GALNT7: variants seen among roughly 807,000 people sequenced by gnomAD.
GALNT7 encodes polypeptide N-acetylgalactosaminyltransferase 7, also known as N-acetylgalactosaminyltransferase 7.
A neutral mutation model predicts 82.1 loss-of-function variants in GALNT7; 60 were observed. The ratio of observed to expected loss-of-function variants is 0.73; its 90% CI spans 0.59 to 0.91. The LOEUF (loss-of-function observed/expected upper bound fraction) is 0.91, where lower values mean the gene tolerates loss of function less well. Among genes scored for constraint, GALNT7 ranks in the 40% least tolerant of loss-of-function variants. The pLI is 0.00. For synonymous variants in GALNT7, 243 were observed against 275.1 expected, an observed-to-expected ratio of 0.88 and a Z score of 1.15; for missense variants, 660 against 804.2, an observed-to-expected ratio of 0.82 and a Z score of 2.17.
intron 1 of GALNT7, among the ~76,000 whole-genome samples, chr4:173,205,172 G>A (rs565404396): frequency 5.9e-5 from 9 of 152,146 alleles, no homozygotes; most frequent in African/African-American, 9.6e-5. Flanking sequence ...TCTGGAGCCC[G>A]TATCCTCAGA....
intron 2 of GALNT7, among the ~76,000 whole-genome samples, chr4:173,256,258 A>G (rs1440096235): frequency 6.6e-6 from 1 of 152,122 alleles, no homozygotes; most frequent in Non-Finnish European, 1.5e-5. Flanking sequence ...TGAGAAGGAA[A>G]CTGATTGATG....
intron 1 of GALNT7, among the ~76,000 whole-genome samples, chr4:173,211,546 T>A (rs747872803): frequency 8.5e-5 from 13 of 152,238 alleles, no homozygotes; most frequent in Non-Finnish European, 1.8e-4. Flanking sequence ...TAGACTAATA[T>A]TATACACAGA....
chr4:173,307,789 A>G (rs1363123836), intron 8 of GALNT7, among the ~76,000 whole-genome samples: 1 of 152,244 alleles, frequency 6.6e-6, no homozygotes, highest in Non-Finnish European at 1.5e-5. Context: ...GGACACTAGC[A>G]GAACAACTGT....
intron 1 of GALNT7, among the ~76,000 whole-genome samples, chr4:173,193,192 G>A (rs1685639463): frequency 6.6e-6 from 1 of 152,194 alleles, no homozygotes; most frequent in Admixed American, 6.5e-5. Context: ...ACCATGAGAC[G>A]TGCCTGTTCT....
At chr4:173,297,838 G>C (rs1324771119) in intron 5 of GALNT7, 2 of 1,479,584 alleles carry the variant, frequency 1.4e-6, no homozygotes, top group South Asian at 1.4e-5. Flanking sequence ...AGATGGGAAT[G>C]ATTATTCCAT....
At position 173,168,971 on chromosome 4, in the gene GALNT7, C is replaced by T; in HGVS notation, c.126+10C>T. Reference sequence around the variant, plus strand: ...GCTGAGCAGGATGAGGGTGAGTGACCCGCCCGGCCCCCTCCGGCGGCAGCG... The same window carrying T: ...GCTGAGCAGGATGAGGGTGAGTGACTCGCCCGGCCCCCTCCGGCGGCAGCG... On this transcript the variant is annotated intron_variant, in intron 1 of 11. Coordinates refer to ENST00000265000, the MANE Select transcript of GALNT7 (RefSeq NM_017423.3). 1 of 1,611,050 alleles carries T rather than the reference C, an allele frequency of 6.2e-7. No homozygotes were observed.
intron 1 of GALNT7, among the ~76,000 whole-genome samples, chr4:173,229,622 C>T (rs1733957933): frequency 1.3e-5 from 2 of 152,126 alleles, no homozygotes; most frequent in Admixed American, 1.3e-4. Context: ...TACTTAAACT[C>T]TGTGCCTCTG....
intron 2 of GALNT7, among the ~76,000 whole-genome samples, chr4:173,285,426 C>T (rs1324761688): frequency 1.3e-5 from 2 of 152,216 alleles, no homozygotes; most frequent in Non-Finnish European, 2.9e-5. Context: ...GGCAAGTTGA[C>T]AGTTTTTAAA....
At chr4:173,284,387 T>G (rs7658147) in intron 2 of GALNT7, among the ~76,000 whole-genome samples, 3,840 of 152,312 alleles carry the variant, frequency 0.025, 155 homozygotes, top group African/African-American at 0.082. Flanking sequence ...TTGTGATTGA[T>G]AGCAAATATT....
chr4:173,184,327 G>C (rs1732394232), intron 1 of GALNT7, among the ~76,000 whole-genome samples: 2 of 152,034 alleles, frequency 1.3e-5, no homozygotes, highest in South Asian at 4.1e-4. Context: ...CTGAGTGAGC[G>C]AGACTCCGTC....
rs144420249 is a variant in GALNT7 at position 173,227,848 on chromosome 4, G to GT, written c.127-20126dup. Among the ~76,000 whole-genome samples the GT allele has an allele frequency of 4.6e-3, 706 of 152,140 alleles. 46 individuals carry two copies. The East Asian group carries it at 0.11, about 24-fold the overall frequency. ...CGCTTAAGCTAGGGTTTTTGTTTCT[G>GT]TTTTTTAAATGCTACCCCAAGTTTG... On this transcript the variant is annotated intron_variant, in intron 1 of 11. Coordinates refer to ENST00000265000, the MANE Select transcript of GALNT7 (RefSeq NM_017423.3).
chr4:173,319,807 G>A (rs1165875014), intron 11 of GALNT7, among the ~76,000 whole-genome samples: 1 of 152,070 alleles, frequency 6.6e-6, no homozygotes, highest in African/African-American at 2.4e-5. Flanking sequence ...AGAGAAGAAA[G>A]AAATGCAAAA....
intron 7 of GALNT7, 150 bp from the exon 8 acceptor site, chr4:173,303,846 G>T (rs1250814277): frequency 3.0e-6 from 2 of 676,556 alleles, no homozygotes; most frequent in Non-Finnish European, 4.9e-6. Flanking sequence ...GCTTTTAAAA[G>T]CAAATTATTT....
At chr4:173,171,777 T>A (rs1399150113) in intron 1 of GALNT7, among the ~76,000 whole-genome samples, 1 of 152,222 alleles carries the variant, frequency 6.6e-6, no homozygotes, top group Admixed American at 6.5e-5. Flanking sequence ...CCAGGCATGG[T>A]ACTAGTTGTT....
intron 1 of GALNT7, among the ~76,000 whole-genome samples, chr4:173,222,725 T>A (rs1733683410): frequency 6.6e-6 from 1 of 152,228 alleles, no homozygotes. Flanking sequence ...AGTTAATTGC[T>A]ATTTACCTGC....
rs1731735416 is a variant in GALNT7 at position 173,168,958 on chromosome 4, G to A, written c.123G>A (p.Met41Ile). The change falls in exon 1 of 12, where the codon ATG (methionine) becomes ATA (isoleucine). Residue 41 changes from methionine (M) to isoleucine (I), a missense_variant. Transcript: ENST00000265000. ...ACGACCCAAGCCCGCTGAGCAGGAT[G>A]AGGGTGAGTGACCCGCCCGGCCCCC... is the stretch of plus-strand genomic sequence containing the variant. ...RPDDPSPLSR[M>I]REDRDVNDPM... 4 of 1,613,144 alleles carry A rather than the reference G, an allele frequency of 2.5e-6. No homozygotes were observed. The highest frequency in any genetic ancestry group is 1.3e-5 in the African/African-American group (1 of 75,006).
At chr4:173,275,256 A>G (rs1458961067) in intron 2 of GALNT7, among the ~76,000 whole-genome samples, 1 of 152,224 alleles carries the variant, frequency 6.6e-6, no homozygotes, top group Non-Finnish European at 1.5e-5. Flanking sequence ...CTGCAAGCTG[A>G]ATGGTCCAAT....
At chr4:173,170,913 C>T (rs1205402987) in intron 1 of GALNT7, among the ~76,000 whole-genome samples, 1 of 152,126 alleles carries the variant, frequency 6.6e-6, no homozygotes, top group Non-Finnish European at 1.5e-5. Flanking sequence ...CCATAATGCC[C>T]ATTTCAGTAC....
At chr4:173,206,518 T>C (rs565378380) in intron 1 of GALNT7, among the ~76,000 whole-genome samples, 1 of 152,350 alleles carries the variant, frequency 6.6e-6, no homozygotes, top group African/African-American at 2.4e-5. Context: ...TTCAGCAAAC[T>C]TGAATATCTT....
Sources: allele counts gnomAD v4.1 joint callset (sites outside exome capture counted in the v4.1 genomes callset), GRCh38; gene constraint gnomAD v4.1.1; transcripts MANE v1.5; gene names NCBI Gene and HGNC (gene_info 2026-07-23, HGNC 2026-07-21).